POU6F2: variants seen among roughly 807,000 people sequenced by gnomAD.
The protein encoded by POU6F2 is POU domain, class 6, transcription factor 2.
A neutral mutation model predicts 71.3 loss-of-function variants in POU6F2; 31 were observed. The observed-to-expected ratio is 0.43, with a 90% confidence interval of 0.33 to 0.59. The LOEUF is 0.59. Among genes scored for constraint, POU6F2 ranks in the 20% least tolerant of loss-of-function variants. The pLI, the probability that POU6F2 is intolerant of heterozygous loss-of-function variation, is 0.04. For missense variants in POU6F2, 783 were observed against 856.8 expected (o/e 0.91, Z 1.07); for synonymous variants, 347 against 355.7 (o/e 0.98, Z 0.27).
At chr7:39,043,692 T>C (rs181399357) in intron 1 of POU6F2, among the ~76,000 whole-genome samples, 113 of 152,062 alleles carry the variant, frequency 7.4e-4, no homozygotes, top group African/African-American at 2.6e-3. Flanking sequence ...GCATTTACGG[T>C]TGTTCAGTAA....
At chr7:39,005,484 C>CTGTGTGCGTGTGTG (rs1789033996) in intron 1 of POU6F2, among the ~76,000 whole-genome samples, 1 of 126,610 alleles carries the variant, frequency 7.9e-6, no homozygotes, top group Non-Finnish European at 1.7e-5. Context: ...AGGGAGAAAC[C>CTGTGTGCGTGTGTG]TGTGTGTGTG....
rs558238520 is a variant in POU6F2 at position 39,324,569 on chromosome 7, T to G, written c.599-15073T>G. Among the ~76,000 whole-genome samples the G allele has an allele frequency of 9.2e-5, 14 of 152,378 alleles. 1 individual carries two copies. The South Asian group carries it at 2.9e-3, about 32-fold the overall frequency. Reference sequence around the variant, plus strand: ...ACTGGGATGTTGAGGTTGCTTGTTATCGCAGCATAACCTAGCCTATCCTGA... The same window carrying G: ...ACTGGGATGTTGAGGTTGCTTGTTAGCGCAGCATAACCTAGCCTATCCTGA... On this transcript the variant is annotated intron_variant, in intron 4 of 9. Transcript: ENST00000518318.
In POU6F2 at chr7:39,376,799, G is replaced by C. The variant is rs1583560074; in HGVS notation, c.973-29801G>C. Among the ~76,000 whole-genome samples, 3 of 151,806 alleles carry C rather than the reference G, an allele frequency of 2.0e-5. No individual in the cohort carries two copies. The South Asian group carries it at 6.2e-4, about 31-fold the overall frequency. On this transcript the variant is annotated intron_variant, in intron 5 of 9. Transcript: ENST00000518318. ...ATACTTTAAATATATGAGTATCTGTGATGGACATAGCTTTGTTGTTTATTT... is the reference window on the plus strand; with the variant it reads ...ATACTTTAAATATATGAGTATCTGTCATGGACATAGCTTTGTTGTTTATTT...
At chr7:39,186,271 G>T (rs1793538462) in intron 2 of POU6F2, among the ~76,000 whole-genome samples, 1 of 152,174 alleles carries the variant, frequency 6.6e-6, no homozygotes, top group African/African-American at 2.4e-5. Context: ...CTCCTGCGGG[G>T]CAAGGACTGA....
intron 6 of POU6F2, among the ~76,000 whole-genome samples, chr7:39,419,778 G>T: frequency 6.6e-6 from 1 of 152,148 alleles, no homozygotes. Flanking sequence ...GAGAAGACCA[G>T]TTTGATGATT....
At chr7:38,988,255 G>A (rs1167683632) in intron 1 of POU6F2, among the ~76,000 whole-genome samples, 4 of 152,012 alleles carry the variant, frequency 2.6e-5, no homozygotes, top group Non-Finnish European at 5.9e-5. Context: ...ACCACCAGGG[G>A]AAACCTTTAA....
chr7:39,414,183 C>G (rs1313676088), intron 6 of POU6F2, among the ~76,000 whole-genome samples: 1 of 152,214 alleles, frequency 6.6e-6, no homozygotes, highest in Non-Finnish European at 1.5e-5. Flanking sequence ...CATTCCTATC[C>G]ACGTTTTTAA....
chr7:39,055,272 T>C (rs1790483208), intron 1 of POU6F2, among the ~76,000 whole-genome samples: 1 of 152,196 alleles, frequency 6.6e-6, no homozygotes, highest in Admixed American at 6.5e-5. Flanking sequence ...ATGATTTGTA[T>C]GTCATCTTTT....
intron 1 of POU6F2, among the ~76,000 whole-genome samples, chr7:39,053,823 C>A (rs895830695): frequency 6.6e-6 from 1 of 152,028 alleles, no homozygotes. Context: ...AAAAAAAAGA[C>A]CAGCCACGGT....
chr7:39,400,699 A>T (rs539853285), intron 5 of POU6F2, among the ~76,000 whole-genome samples: 1 of 152,362 alleles, frequency 6.6e-6, no homozygotes, highest in African/African-American at 2.4e-5. Context: ...AGGTTACCTT[A>T]AAAATTCCTC....
intron 6 of POU6F2, among the ~76,000 whole-genome samples, chr7:39,426,851 G>C (rs1176809657): frequency 6.6e-6 from 1 of 152,130 alleles, no homozygotes. Flanking sequence ...CTGTCTAGCT[G>C]GTTTTCAGTA....
chr7:39,065,320 G>A (rs1790734576), intron 1 of POU6F2, among the ~76,000 whole-genome samples: 2 of 151,396 alleles, frequency 1.3e-5, no homozygotes, highest in South Asian at 4.2e-4. Context: ...TCACAGGATG[G>A]GCTATTTATT....
At chr7:39,044,264 A>T (rs1790248165) in intron 1 of POU6F2, among the ~76,000 whole-genome samples, 1 of 151,968 alleles carries the variant, frequency 6.6e-6, no homozygotes, top group South Asian at 2.1e-4. Flanking sequence ...TTATTCAGAG[A>T]AACTAAAAAA....
At chr7:39,438,315 A>G (rs2116056540) in intron 7 of POU6F2, among the ~76,000 whole-genome samples, 1 of 152,266 alleles carries the variant, frequency 6.6e-6, no homozygotes, top group Admixed American at 6.5e-5. Context: ...CATGGTGCAT[A>G]TGTGCCACAT....
rs115556149 is a variant in POU6F2, at chr7:39,460,966, C to G, written c.1658+251C>G. Reference sequence around the variant, plus strand: ...CCAAGGCAGTCTCATTGGAAATACACTACCCCAGGGTCAGGGGCCTTCCTC... The same window carrying G: ...CCAAGGCAGTCTCATTGGAAATACAGTACCCCAGGGTCAGGGGCCTTCCTC... On this transcript the variant is annotated intron_variant, in intron 9 of 9. Coordinates refer to ENST00000518318, the MANE Select transcript of POU6F2 (RefSeq NM_001370959.1). This position sits in a 1 kb window ranked among gnomAD's most constrained non-coding sequence, Gnocchi z 4.4. 6.9e-3 allele frequency among the ~76,000 whole-genome samples: 1,050 copies of G among 152,288 alleles called. 6 individuals carry two copies. Among genetic ancestry groups the G allele is most frequent in the Non-Finnish European group, 0.012 (844 of 68,014 alleles).
intron 1 of POU6F2, among the ~76,000 whole-genome samples, chr7:39,068,976 C>T (rs1790818219): frequency 6.6e-6 from 1 of 152,134 alleles, no homozygotes; most frequent in African/African-American, 2.4e-5. Flanking sequence ...CCTGACTCCC[C>T]TGGGGTTCTG....
At chr7:38,982,644 A>G (rs1252672596) in intron 1 of POU6F2, among the ~76,000 whole-genome samples, 2 of 152,134 alleles carry the variant, frequency 1.3e-5, no homozygotes, top group Non-Finnish European at 2.9e-5. Context: ...AAATTTAACA[A>G]TATAGTAATA....
chr7:39,025,142 T>G (rs894559967), intron 1 of POU6F2, among the ~76,000 whole-genome samples: 1 of 152,184 alleles, frequency 6.6e-6, no homozygotes, highest in African/African-American at 2.4e-5. Context: ...TCCTGGACTG[T>G]TTTTGGTTGG....
chr7:39,034,055 A>G (rs1474779741), intron 1 of POU6F2, among the ~76,000 whole-genome samples: 1 of 152,204 alleles, frequency 6.6e-6, no homozygotes, highest in Non-Finnish European at 1.5e-5. Context: ...CCCTGCTCTC[A>G]TTATGGGAGT....
Sources: allele counts gnomAD v4.1 joint callset (sites outside exome capture counted in the v4.1 genomes callset), GRCh38; gene constraint gnomAD v4.1.1; non-coding constraint Gnocchi (gnomAD v3.1); transcripts MANE v1.5; gene names NCBI Gene and HGNC (gene_info 2026-07-23, HGNC 2026-07-21).